KREMEN1: variants seen among roughly 807,000 people sequenced by gnomAD.
The protein encoded by KREMEN1 is kringle containing transmembrane protein 1.
In KREMEN1, 30 loss-of-function variants were observed where a neutral mutation model predicts 46.5. The ratio of observed to expected loss-of-function variants is 0.65; its 90% CI spans 0.48 to 0.88. KREMEN1 has a LOEUF of 0.88. KREMEN1 is among the 40% of genes least tolerant of loss of function. The probability of loss-of-function intolerance (pLI) is 0.00; values close to 1 mark genes in which losing one functional copy is unlikely to be tolerated. For missense variants in KREMEN1, 533 were observed against 596.9 expected, an observed-to-expected ratio of 0.89 and a Z score of 1.11; for synonymous variants, 214 against 230.6, an observed-to-expected ratio of 0.93 and a Z score of 0.65.
intron 1 of KREMEN1, among the ~76,000 whole-genome samples, chr22:29,087,306 G>A (rs2037744601): frequency 6.6e-6 from 1 of 152,018 alleles, no homozygotes; most frequent in Non-Finnish European, 1.5e-5. Flanking sequence ...ACAGAGAACA[G>A]AGACTTAACT....
intron 3 of KREMEN1, among the ~76,000 whole-genome samples, chr22:29,117,959 A>G (rs1222498577): frequency 6.6e-6 from 1 of 152,188 alleles, no homozygotes; most frequent in African/African-American, 2.4e-5. Context: ...GCGGGTCAGG[A>G]AATGTGGGGT....
rs2038740177 is a variant in KREMEN1, at chr22:29,140,296, G to C, written c.1138G>C (p.Gly380Arg). Residue 380 changes from glycine to arginine, a missense_variant, in exon 8 of 9, where the codon GGT (glycine) becomes CGT (arginine). Transcript: ENST00000400335. ...TGCACTTGCAGGATGGACAGTCTAT[G>C]GTCTGGCAACTCTCCTCATCCTCAC... is the stretch of plus-strand genomic sequence containing the variant. ...PQTVPGWTVY[G>R]LATLLILTVT... is the part of the protein sequence containing the mutation. 1 of 1,613,886 alleles carries C rather than the reference G, an allele frequency of 6.2e-7. No homozygotes were observed. Among genetic ancestry groups the C allele is most frequent in the Non-Finnish European group, 8.5e-7 (1 of 1,179,764 alleles).
intron 2 of KREMEN1, among the ~76,000 whole-genome samples, chr22:29,097,457 T>C (rs889184464): frequency 9.2e-5 from 14 of 152,180 alleles, no homozygotes; most frequent in Non-Finnish European, 2.1e-4. Context: ...CATGACAGGA[T>C]CACAAGTTCT....
Position 29,143,868 on chromosome 22 carries a change from C to T in KREMEN1, c.*1756C>T. ...GTCCCCAGTCCCTTGCCACCCTGTC[C>T]CTTAGATAGGGAGGTGGGCTGCAGA... is the stretch of plus-strand genomic sequence containing the variant. On this transcript the variant is annotated 3_prime_UTR_variant, in exon 9 of 9. Transcript: ENST00000400335. 3.0e-6 allele frequency: 3 copies of T among 985,458 alleles called. No individual in the cohort carries two copies. The highest frequency in any genetic ancestry group is 3.6e-6 in the Non-Finnish European group (3 of 829,966). 61.0% of individuals were successfully genotyped at this position (985,458 alleles called of 1,614,324 possible).
intron 5 of KREMEN1, among the ~76,000 whole-genome samples, chr22:29,133,836 C>T (rs557645154): frequency 3.3e-5 from 5 of 152,230 alleles, no homozygotes; most frequent in Admixed American, 6.5e-5. Context: ...TGCAATTACA[C>T]GTATGTTAGA....
rs201316832 is a variant in KREMEN1, at chr22:29,138,713, G to A, written c.1054G>A (p.Ala352Thr). Residue 352 changes from alanine (A) to threonine (T), a missense_variant, in exon 7 of 9, where the codon GCT (alanine) becomes ACT (threonine). Ala to Thr is a moderately conservative substitution (Grantham distance 58). Coordinates refer to ENST00000400335, the MANE Select transcript of KREMEN1 (RefSeq NM_001039570.3). ...ITEQANLSVS[A>T]ARSSKVLYVI... Reference sequence around the variant, plus strand: ...GGAGCAGGCCAACCTCAGTGTCAGCGCTGCCCGGTCCTCCAAAGTCCTCTA... The same window carrying A: ...GGAGCAGGCCAACCTCAGTGTCAGCACTGCCCGGTCCTCCAAAGTCCTCTA... The A allele has an allele frequency of 1.9e-4, 313 of 1,614,198 alleles. 2 individuals are homozygous for A. The highest frequency in any genetic ancestry group is 1.2e-4 in the Non-Finnish European group (136 of 1,180,042).
intron 9 of KREMEN1, chr22:29,166,901 C>A: frequency 1.5e-6 from 1 of 673,530 alleles, no homozygotes; most frequent in South Asian, 1.7e-5. Context: ...CCACCGCACT[C>A]CAGGCTGGGT....
chr22:29,114,357 G>A (rs1435866201), intron 3 of KREMEN1, among the ~76,000 whole-genome samples: 1 of 151,844 alleles, frequency 6.6e-6, no homozygotes, highest in Non-Finnish European at 1.5e-5. Flanking sequence ...ATGGTGGCGG[G>A]CACCTGTAAC....
At chr22:29,157,963 T>G (rs1057008710) in intron 9 of KREMEN1, among the ~76,000 whole-genome samples, 21 of 152,156 alleles carry the variant, frequency 1.4e-4, no homozygotes, top group African/African-American at 5.1e-4. Context: ...CTGTTACAGG[T>G]CACATGGTCT....
intron 5 of KREMEN1, among the ~76,000 whole-genome samples, chr22:29,131,511 C>G (rs1238737294): frequency 8.0e-6 from 1 of 125,640 alleles, no homozygotes; most frequent in Non-Finnish European, 1.5e-5. Flanking sequence ...AACAACTGAT[C>G]TGTATTCTGT....
At chr22:29,154,133 G>C (rs893546924) in intron 9 of KREMEN1, among the ~76,000 whole-genome samples, 3 of 152,078 alleles carry the variant, frequency 2.0e-5, no homozygotes, top group African/African-American at 7.2e-5. Flanking sequence ...GGACCACCAG[G>C]AGCAGGGGGC....
intron 3 of KREMEN1, among the ~76,000 whole-genome samples, chr22:29,106,075 G>A (rs2038054623): frequency 6.6e-6 from 1 of 152,226 alleles, no homozygotes; most frequent in South Asian, 2.1e-4. Context: ...TGTGGCAGTG[G>A]TGGTCAAGGC....
chr22:29,105,966 CA>C (rs1436748461), intron 3 of KREMEN1, among the ~76,000 whole-genome samples: 1 of 152,168 alleles, frequency 6.6e-6, no homozygotes, highest in East Asian at 1.9e-4. Context: ...ATTTGCCTTA[CA>C]AAAGTCAGCC....
At chr22:29,098,688 G>T (rs761306211) in intron 2 of KREMEN1, among the ~76,000 whole-genome samples, 174 bp from the exon 3 acceptor site, 14 of 152,090 alleles carry the variant, frequency 9.2e-5, no homozygotes, top group Non-Finnish European at 1.8e-4. Flanking sequence ...AGATATGTTT[G>T]TTCTTGTAAT....
At chr22:29,118,423 A>T (rs1259595362) in intron 3 of KREMEN1, among the ~76,000 whole-genome samples, 3 of 152,144 alleles carry the variant, frequency 2.0e-5, no homozygotes, top group Non-Finnish European at 4.4e-5. Flanking sequence ...TGTCTTAGGC[A>T]GTTTGGGCTG....
intron 2 of KREMEN1, among the ~76,000 whole-genome samples, chr22:29,094,680 G>C (rs111861254): frequency 6.8e-6 from 1 of 147,456 alleles, no homozygotes; most frequent in Non-Finnish European, 1.5e-5. Flanking sequence ...CTGGAGTGCA[G>C]TGGCGCGATC....
At chr22:29,138,966 T>C in intron 7 of KREMEN1, 184 bp downstream of exon 7, 1 of 846,896 alleles carries the variant, frequency 1.2e-6, no homozygotes, top group South Asian at 1.6e-5. Context: ...CTTGGTTCCT[T>C]AGTCCTGAGG....
intron 5 of KREMEN1, among the ~76,000 whole-genome samples, chr22:29,127,019 C>G (rs1011183820): frequency 2.0e-5 from 3 of 152,210 alleles, no homozygotes; most frequent in African/African-American, 7.2e-5. Context: ...ATAAGATTCT[C>G]TGCCTTAACA....
At chr22:29,125,927 T>TACTG (rs1217289653) in intron 5 of KREMEN1, among the ~76,000 whole-genome samples, 2 of 152,104 alleles carry the variant, frequency 1.3e-5, no homozygotes, top group African/African-American at 4.8e-5. Context: ...ATTTGTGAGA[T>TACTG]ACTGGCCAGG....
Sources: allele counts gnomAD v4.1 joint callset (sites outside exome capture counted in the v4.1 genomes callset), GRCh38; gene constraint gnomAD v4.1.1; transcripts MANE v1.5; gene names NCBI Gene and HGNC (gene_info 2026-07-23, HGNC 2026-07-21).